The following LRP1B variants were observed in gnomAD, a reference collection of about 807,000 sequenced individuals.
LRP1B encodes the protein low-density lipoprotein receptor-related protein 1B.
Under a neutral mutation model 556.6 loss-of-function variants are expected in LRP1B, and 217 were observed. The ratio of observed to expected loss-of-function variants is 0.39; its 90% CI spans 0.35 to 0.44. The LOEUF is 0.44. LRP1B is among the 20% of genes least tolerant of loss of function. The pLI is 1.00. For synonymous variants in LRP1B, 2,047 were observed against 1,865.8 expected (o/e 1.10, Z -2.50); for missense variants, 5,053 against 5,620.8 (o/e 0.90, Z 3.23).
rs10522926 is a variant in LRP1B at position 141,691,465 on chromosome 2, A to AACACACACACACACACAC, written c.205+118796_205+118813dup. On this transcript the variant is annotated intron_variant, in intron 2 of 90. Transcript: ENST00000389484. ...AAAAAAGTTGGCCAGGTAATCAGCC[A>AACACACACACACACACAC]ACACACACACACACACACACGTTGC... Among the ~76,000 whole-genome samples, 123 of 133,236 alleles carry AACACACACACACACACAC rather than the reference A, an allele frequency of 9.2e-4. 2 individuals are homozygous for AACACACACACACACACAC. Among genetic ancestry groups the AACACACACACACACACAC allele is most frequent in the Admixed American group, 1.2e-3 (16 of 13,116 alleles). 87.4% of individuals were successfully genotyped at this position (133,236 alleles called of 152,430 possible).
chr2:142,062,308 G>T (rs1704949374), intron 1 of LRP1B, among the ~76,000 whole-genome samples: 2 of 151,818 alleles, frequency 1.3e-5, no homozygotes, highest in Non-Finnish European at 2.9e-5. Context: ...TCTAAAAGTT[G>T]CAGCACAAAG....
chr2:141,255,530 A>C (rs926184805), intron 3 of LRP1B, among the ~76,000 whole-genome samples: 1 of 152,094 alleles, frequency 6.6e-6, no homozygotes, highest in African/African-American at 2.4e-5. Flanking sequence ...AAACATTCCA[A>C]ACTGAACATT....
chr2:140,334,335 C>T (rs1218834472), intron 79 of LRP1B, 118 bp downstream of exon 79: 2 of 656,118 alleles, frequency 3.0e-6, no homozygotes, highest in Admixed American at 2.8e-5. Context: ...AAATCATACT[C>T]TAAATAGTTT....
intron 2 of LRP1B, among the ~76,000 whole-genome samples, chr2:141,716,891 A>T (rs1051917239): frequency 6.6e-6 from 1 of 152,132 alleles, no homozygotes; most frequent in Non-Finnish European, 1.5e-5. Flanking sequence ...AGCAATTTTG[A>T]ACCTTTTTTT....
intron 68 of LRP1B, among the ~76,000 whole-genome samples, chr2:140,377,057 G>C (rs1165391106): frequency 6.6e-6 from 1 of 152,034 alleles, no homozygotes; most frequent in Non-Finnish European, 1.5e-5. Flanking sequence ...AGGAGCCATG[G>C]TATACACTGA....
chr2:140,704,000 T>C (rs565269794), intron 37 of LRP1B, among the ~76,000 whole-genome samples: 130 of 152,326 alleles, frequency 8.5e-4, no homozygotes, highest in Middle Eastern at 3.4e-3. Flanking sequence ...TAATGATGCA[T>C]TTTCCTTTGG....
chr2:141,414,006 G>A (rs1441471114), intron 3 of LRP1B, among the ~76,000 whole-genome samples: 5 of 152,082 alleles, frequency 3.3e-5, no homozygotes, highest in African/African-American at 7.2e-5. Flanking sequence ...TGAGGTGGGC[G>A]CATCACGAGG....
At chr2:141,193,052 A>G (rs1370971754) in intron 6 of LRP1B, among the ~76,000 whole-genome samples, 1 of 151,974 alleles carries the variant, frequency 6.6e-6, no homozygotes. Context: ...TGGTGAACAT[A>G]GAACTGAAAC....
At chr2:141,421,295 G>A (rs1171779107) in intron 3 of LRP1B, among the ~76,000 whole-genome samples, 1 of 152,078 alleles carries the variant, frequency 6.6e-6, no homozygotes, top group East Asian at 1.9e-4. Context: ...TTGGGAGCCC[G>A]AGGTGGGCGG....
chr2:142,042,174 A>C (rs891663619), intron 1 of LRP1B, among the ~76,000 whole-genome samples: 1 of 151,392 alleles, frequency 6.6e-6, no homozygotes, highest in African/African-American at 2.4e-5. Context: ...TCTGCGGTAC[A>C]TTATAACCCT....
At chr2:141,429,754 T>C (rs960337265) in intron 3 of LRP1B, among the ~76,000 whole-genome samples, 16 of 152,184 alleles carry the variant, frequency 1.1e-4, no homozygotes, top group Non-Finnish European at 2.2e-4. Context: ...TGGTTTTCCA[T>C]TCCTGTGTTA....
intron 43 of LRP1B, among the ~76,000 whole-genome samples, chr2:140,558,620 G>A (rs554394742): frequency 6.6e-6 from 1 of 152,108 alleles, no homozygotes; most frequent in East Asian, 1.9e-4. Flanking sequence ...CAGCTAAGTG[G>A]GGAAGGGTTT....
At chr2:140,953,716 G>A (rs1695788146) in intron 18 of LRP1B, among the ~76,000 whole-genome samples, 1 of 152,034 alleles carries the variant, frequency 6.6e-6, no homozygotes, top group Admixed American at 6.6e-5. Flanking sequence ...AAAAATATAT[G>A]AATAACAAAA....
At chr2:140,509,903 A>G (rs1558931899) in intron 52 of LRP1B, 25 bp downstream of exon 52, 1 of 1,600,340 alleles carries the variant, frequency 6.2e-7, no homozygotes, top group African/African-American at 1.3e-5. Context: ...TTTCTTTGAC[A>G]TGCAGCCCTG....
intron 35 of LRP1B, among the ~76,000 whole-genome samples, chr2:140,738,924 G>C (rs1013825977): frequency 6.6e-6 from 1 of 152,166 alleles, no homozygotes; most frequent in Non-Finnish European, 1.5e-5. Context: ...AATAGCACCA[G>C]CACCTCTTAG....
In LRP1B at chr2:141,148,653, C is replaced by A. The variant is rs183193248; in HGVS notation, c.1013+39768G>T. On this transcript the variant is annotated intron_variant, in intron 7 of 90. Transcript: ENST00000389484. The stretch of plus-strand genomic sequence containing the variant: ...GATAAAGAGGTATCTATAACGCCAA[C>A]AAGAGGAAAAGTATCCCTGTGCATG... 1.3e-4 allele frequency among the ~76,000 whole-genome samples: 20 copies of A among 152,154 alleles called. No individual in the cohort carries two copies. In the South Asian group the frequency reaches 2.7e-3, roughly 21 times the overall value.
At chr2:141,556,154 G>A (rs892572583) in intron 2 of LRP1B, among the ~76,000 whole-genome samples, 8 of 151,692 alleles carry the variant, frequency 5.3e-5, no homozygotes, top group Non-Finnish European at 7.4e-5. Flanking sequence ...GTTCACTAGG[G>A]ACTACCACAA....
rs1484273613 is a variant in LRP1B, at chr2:140,385,930, T to C, written c.10494A>G (p.Gln3498=). The C allele has an allele frequency of 6.2e-7, 1 of 1,613,374 alleles. No individual in the cohort carries two copies. The highest frequency in any genetic ancestry group is 8.5e-7 in the Non-Finnish European group (1 of 1,179,378). ...CATCTGAATTATCACTGCAGTCATT[T>C]TGGCTATCACACCGCCAGTGATCGG... ...CIPDHWRCDS[Q]NDCSDNSDEE... The change falls in exon 67 of 91, where the codon CAA becomes CAG. Residue 3498 remains glutamine, a synonymous_variant. Transcript: ENST00000389484.
chr2:141,114,003 C>A (rs1360118027), intron 7 of LRP1B, among the ~76,000 whole-genome samples: 1 of 152,184 alleles, frequency 6.6e-6, no homozygotes, highest in Non-Finnish European at 1.5e-5. Flanking sequence ...ATGTATGGAG[C>A]TATCATGAAA....
Sources: gnomAD v4.1 joint callset for allele counts (sites outside exome capture counted in the v4.1 genomes callset) on GRCh38, gnomAD v4.1.1 for gene constraint, MANE v1.5 for transcripts, NCBI Gene and HGNC (gene_info 2026-07-23, HGNC 2026-07-21) for gene names.